Variants in FCHSD2 observed in about 807,000 individuals in gnomAD.
FCHSD2 encodes FCH and double SH3 domains 2, also known as F-BAR and double SH3 domains protein 2.
Under a neutral mutation model 108.1 loss-of-function variants are expected in FCHSD2, and 38 were observed. The ratio of observed to expected loss-of-function variants is 0.35; its 90% CI spans 0.27 to 0.46. The LOEUF (loss-of-function observed/expected upper bound fraction) is 0.46. Ranked by LOEUF, FCHSD2 falls within the 20% of genes least tolerant of loss-of-function variation. The pLI, the probability that FCHSD2 is intolerant of heterozygous loss-of-function variation, is 1.00. For synonymous variants in FCHSD2, 279 were observed against 314.7 expected, an observed-to-expected ratio of 0.89 and a Z score of 1.20; for missense variants, 751 against 897.8, an observed-to-expected ratio of 0.84 and a Z score of 2.09.
chr11:73,123,255 T>C (rs571516408), intron 2 of FCHSD2, among the ~76,000 whole-genome samples: 33 of 152,338 alleles, frequency 2.2e-4, no homozygotes, highest in African/African-American at 7.7e-4. Context: ...GACTATCCAA[T>C]TGATAATTTT....
At chr11:72,982,771 C>T (rs1252940951) in intron 8 of FCHSD2, among the ~76,000 whole-genome samples, 1 of 152,140 alleles carries the variant, frequency 6.6e-6, no homozygotes, top group South Asian at 2.1e-4. Flanking sequence ...TTGTTTGTCC[C>T]GTACGCAGCT....
chr11:72,850,038 C>G, intron 13 of FCHSD2, 149 bp from the exon 14 acceptor site: 1 of 352,440 alleles, frequency 2.8e-6, no homozygotes, highest in Non-Finnish European at 5.1e-6. Flanking sequence ...TTACATTTTT[C>G]ATGTTATGAA....
At chr11:72,936,288 C>G (rs1455796290) in intron 8 of FCHSD2, among the ~76,000 whole-genome samples, 2 of 152,232 alleles carry the variant, frequency 1.3e-5, no homozygotes, top group Admixed American at 6.5e-5. Context: ...GCTTCTGAGT[C>G]TGACTCTATT....
At chr11:72,916,264 A>G (rs923001081) in intron 9 of FCHSD2, among the ~76,000 whole-genome samples, 2 of 150,804 alleles carry the variant, frequency 1.3e-5, no homozygotes, top group Non-Finnish European at 1.5e-5. Flanking sequence ...TTTTCAAAAA[A>G]CTAGCTTTTA....
intron 13 of FCHSD2, among the ~76,000 whole-genome samples, chr11:72,850,901 C>A (rs1280063562): frequency 1.3e-5 from 2 of 151,036 alleles, no homozygotes; most frequent in African/African-American, 4.9e-5. Context: ...ACCAGCCTGG[C>A]CAACATGGTG....
chr11:73,045,659 A>T (rs1457909394), intron 3 of FCHSD2, among the ~76,000 whole-genome samples: 9 of 150,802 alleles, frequency 6.0e-5, no homozygotes, highest in Non-Finnish European at 2.9e-5. Context: ...TCAGTAAACT[A>T]TCGCAAGAAC....
intron 5 of FCHSD2, among the ~76,000 whole-genome samples, chr11:72,999,526 G>C (rs1394357673): frequency 2.0e-5 from 3 of 151,896 alleles, no homozygotes; most frequent in Non-Finnish European, 2.9e-5. Context: ...CACCATATTG[G>C]TCAGGCTGGT....
chr11:72,898,751 A>T (rs1382031209), intron 10 of FCHSD2, among the ~76,000 whole-genome samples: 1 of 146,892 alleles, frequency 6.8e-6, no homozygotes, highest in Admixed American at 6.8e-5. Flanking sequence ...TTTTTTAAAG[A>T]CAGGGTCTTG....
chr11:72,886,659 G>A (rs1225722255), intron 12 of FCHSD2, among the ~76,000 whole-genome samples: 2 of 151,998 alleles, frequency 1.3e-5, no homozygotes, highest in East Asian at 3.9e-4. Flanking sequence ...GTGTGCACAG[G>A]TCCTCCATAA....
At chr11:72,988,857 C>A in intron 6 of FCHSD2, 107 bp downstream of exon 6, 1 of 849,030 alleles carries the variant, frequency 1.2e-6, no homozygotes, top group Non-Finnish European at 1.7e-6. Context: ...AATGAAACCA[C>A]CACTACCTGA....
chr11:73,055,050 G>A (rs1858992880), intron 3 of FCHSD2, among the ~76,000 whole-genome samples: 1 of 152,172 alleles, frequency 6.6e-6, no homozygotes, highest in Non-Finnish European at 1.5e-5. Flanking sequence ...GGCAAAAGGA[G>A]GAACAAAGGC....
At chr11:72,933,160 G>C (rs540657686) in intron 8 of FCHSD2, among the ~76,000 whole-genome samples, 1 of 152,270 alleles carries the variant, frequency 6.6e-6, no homozygotes, top group African/African-American at 2.4e-5. Flanking sequence ...AGATATGCAA[G>C]ACAGAACCTC....
chr11:72,869,416 G>T (rs1591357232), intron 12 of FCHSD2: 1 of 150,400 alleles, frequency 6.6e-6, no homozygotes, highest in Non-Finnish European at 1.5e-5. Flanking sequence ...GTGAAGAAGG[G>T]AAAGAGAGGG....
At chr11:73,138,689 A>G (rs960427834) in intron 2 of FCHSD2, among the ~76,000 whole-genome samples, 4 of 149,858 alleles carry the variant, frequency 2.7e-5, no homozygotes, top group African/African-American at 7.4e-5. Context: ...GCTCACTGCA[A>G]CCTCCGCCTA....
chr11:72,879,540 G>A (rs748986412), intron 12 of FCHSD2, among the ~76,000 whole-genome samples: 4 of 152,112 alleles, frequency 2.6e-5, no homozygotes, highest in Admixed American at 6.6e-5. Flanking sequence ...AGAAAAACAT[G>A]AAGATAAATA....
chr11:72,844,237 C>A (rs1373931537), intron 14 of FCHSD2, among the ~76,000 whole-genome samples: 1 of 152,132 alleles, frequency 6.6e-6, no homozygotes, highest in Non-Finnish European at 1.5e-5. Context: ...TACCAGAGGG[C>A]TCCCATGGAC....
chr11:72,994,439 A>C (rs1385122547), intron 5 of FCHSD2, among the ~76,000 whole-genome samples: 3 of 152,214 alleles, frequency 2.0e-5, no homozygotes, highest in Non-Finnish European at 4.4e-5. Context: ...GATCCCATTA[A>C]GATGAGAAAA....
intron 2 of FCHSD2, among the ~76,000 whole-genome samples, chr11:73,117,760 T>C (rs1168799431): frequency 6.6e-6 from 1 of 152,218 alleles, no homozygotes; most frequent in Non-Finnish European, 1.5e-5. Flanking sequence ...AAAATTCTAT[T>C]AGACTTGCTT....
intron 2 of FCHSD2, among the ~76,000 whole-genome samples, chr11:73,098,558 T>A (rs1247622811): frequency 6.6e-6 from 1 of 152,184 alleles, no homozygotes; most frequent in Non-Finnish European, 1.5e-5. Context: ...CTGTTGGGTC[T>A]AGTTTGTTTA....
Sources: allele counts gnomAD v4.1 joint callset (sites outside exome capture counted in the v4.1 genomes callset), GRCh38; gene constraint gnomAD v4.1.1; transcripts MANE v1.5; gene names NCBI Gene and HGNC (gene_info 2026-07-23, HGNC 2026-07-21).